Variants in STX18 observed in about 807,000 individuals in gnomAD.
The protein encoded by STX18 is syntaxin 18, also known as syntaxin-18.
Under a neutral mutation model 50.1 loss-of-function variants are expected in STX18, and 40 were observed. The ratio of observed to expected loss-of-function variants is 0.80; its 90% confidence interval spans 0.62 to 1.04. The LOEUF (loss-of-function observed/expected upper bound fraction) is 1.04. Among genes scored for constraint, STX18 ranks in the 50% least tolerant of loss-of-function variants. The probability of loss-of-function intolerance (pLI) is 0.00; values close to 1 mark genes in which losing one functional copy is unlikely to be tolerated. For synonymous variants in STX18, 158 were observed against 151.8 expected (o/e 1.04, Z -0.30); for missense variants, 410 against 415.8 (o/e 0.99, Z 0.12).
At chr4:4,475,397 A>G (rs959741701) in intron 1 of STX18, among the ~76,000 whole-genome samples, 1 of 152,240 alleles carries the variant, frequency 6.6e-6, no homozygotes, top group Non-Finnish European at 1.5e-5. Flanking sequence ...TGAGAATGAA[A>G]AAATAAAGGA....
chr4:4,489,946 T>G (rs1728871107), intron 1 of STX18, among the ~76,000 whole-genome samples: 1 of 152,232 alleles, frequency 6.6e-6, no homozygotes, highest in Non-Finnish European at 1.5e-5. Flanking sequence ...AAGCTTTAAA[T>G]GTAAAACTAG....
intron 1 of STX18, among the ~76,000 whole-genome samples, chr4:4,497,459 C>G (rs1326819740): frequency 6.6e-6 from 1 of 152,232 alleles, no homozygotes; most frequent in Admixed American, 6.5e-5. Flanking sequence ...AACTAAATGT[C>G]TATTCACTCA....
intron 1 of STX18, among the ~76,000 whole-genome samples, chr4:4,475,724 C>T (rs1728142652): frequency 6.6e-6 from 1 of 152,194 alleles, no homozygotes; most frequent in Admixed American, 6.5e-5. Flanking sequence ...GCATACAATT[C>T]TGACGTGCTC....
At chr4:4,518,814 C>T (rs1308982006) in intron 1 of STX18, among the ~76,000 whole-genome samples, 4 of 152,154 alleles carry the variant, frequency 2.6e-5, no homozygotes, top group African/African-American at 4.8e-5. Context: ...CTTATACACA[C>T]GTGCACTTTA....
chr4:4,436,379 T>A (rs1360670549), intron 6 of STX18, among the ~76,000 whole-genome samples: 2 of 152,168 alleles, frequency 1.3e-5, no homozygotes, highest in African/African-American at 4.8e-5. Context: ...ATTCTTTGGG[T>A]AGGAACATTT....
intron 1 of STX18, among the ~76,000 whole-genome samples, chr4:4,531,439 T>C (rs923244779): frequency 6.6e-6 from 1 of 152,256 alleles, no homozygotes; most frequent in Non-Finnish European, 1.5e-5. Flanking sequence ...TTTTTGTTGC[T>C]ACTATAAATG....
intron 6 of STX18, among the ~76,000 whole-genome samples, chr4:4,436,818 C>G (rs1325555992): frequency 6.6e-6 from 1 of 152,206 alleles, no homozygotes; most frequent in African/African-American, 2.4e-5. Context: ...TCACTGATCC[C>G]CACGGGTCTT....
chr4:4,527,281 T>C (rs1168157391), intron 1 of STX18, among the ~76,000 whole-genome samples: 1 of 152,210 alleles, frequency 6.6e-6, no homozygotes, highest in East Asian at 1.9e-4. Flanking sequence ...CCTTTCTACC[T>C]GTATAAAGAT....
intron 2 of STX18, among the ~76,000 whole-genome samples, chr4:4,460,479 C>T (rs1381994268): frequency 6.6e-6 from 1 of 152,050 alleles, no homozygotes; most frequent in Non-Finnish European, 1.5e-5. Context: ...ATACATCCAT[C>T]CTGAGGACAG....
intron 1 of STX18, among the ~76,000 whole-genome samples, chr4:4,536,322 C>T (rs981227090): frequency 6.6e-6 from 1 of 152,222 alleles, no homozygotes; most frequent in African/African-American, 2.4e-5. Context: ...CCACACTGTT[C>T]TAGAAGCTAC....
chr4:4,504,183 T>C (rs1327379244), intron 1 of STX18, among the ~76,000 whole-genome samples: 4 of 152,160 alleles, frequency 2.6e-5, no homozygotes, highest in African/African-American at 4.8e-5. Context: ...GAGGAGAACA[T>C]AAAATGTTCA....
intron 2 of STX18, among the ~76,000 whole-genome samples, chr4:4,469,510 T>G (rs770547381): frequency 6.6e-6 from 1 of 152,008 alleles, no homozygotes; most frequent in Non-Finnish European, 1.5e-5. Flanking sequence ...CAAAAATAGC[T>G]GGGAATCATG....
At chr4:4,507,815 TAAAAA>T (rs879049430) in intron 1 of STX18, 592 of 218,454 alleles carry the variant, frequency 2.7e-3, no homozygotes, top group Middle Eastern at 4.5e-3. Flanking sequence ...ATATTCACAG[TAAAAA>T]AAAAAAAAAA....
At chr4:4,452,433 AGAG>A (rs1328814345) in intron 5 of STX18, among the ~76,000 whole-genome samples, 1 of 152,266 alleles carries the variant, frequency 6.6e-6, no homozygotes, top group Non-Finnish European at 1.5e-5. Flanking sequence ...CCATAGCTAC[AGAG>A]GAGAAGTCAA....
chr4:4,478,406 G>A (rs1040543370), intron 1 of STX18, among the ~76,000 whole-genome samples: 4 of 152,124 alleles, frequency 2.6e-5, no homozygotes, highest in African/African-American at 9.7e-5. Flanking sequence ...GCAGTACAAC[G>A]GTGACCAGTG....
At chr4:4,523,746 C>G (rs1560208847) in intron 1 of STX18, among the ~76,000 whole-genome samples, 1 of 152,252 alleles carries the variant, frequency 6.6e-6, no homozygotes, top group Admixed American at 6.5e-5. Flanking sequence ...CTTCTCACCT[C>G]TGCCGAATCC....
intron 1 of STX18, among the ~76,000 whole-genome samples, chr4:4,541,531 T>G (rs1335246709): frequency 6.6e-6 from 1 of 152,152 alleles, no homozygotes; most frequent in Non-Finnish European, 1.5e-5. Flanking sequence ...ACTTTCCAGA[T>G]AGAGATTTCT....
chr4:4,480,645 C>T (rs1728414965), intron 1 of STX18, among the ~76,000 whole-genome samples: 1 of 152,144 alleles, frequency 6.6e-6, no homozygotes, highest in Non-Finnish European at 1.5e-5. Flanking sequence ...ATGGGATTTT[C>T]TTTTTTTAAA....
In STX18 at chr4:4,419,348, G is replaced by C. The variant is rs1189284009; in HGVS notation, c.*686C>G. On this transcript the variant is annotated 3_prime_UTR_variant, in exon 11 of 11. Coordinates refer to ENST00000306200, the MANE Select transcript of STX18 (RefSeq NM_016930.4). ...GCCTGTTCTGGGGGCAGCAGTCTTT[G>C]GAGGAGTAATGCCAGGCAGCCCCTC... The C allele has an allele frequency of 1.3e-5, 2 of 151,574 alleles. No individual in the cohort carries two copies. Among genetic ancestry groups the C allele is most frequent in the African/African-American group, 2.4e-5 (1 of 41,160 alleles). The allele number at this position is 151,574 out of a possible 1,614,324, so 9.4% of individuals were successfully genotyped here.
Sources: gnomAD v4.1 joint callset for allele counts (sites outside exome capture counted in the v4.1 genomes callset) on GRCh38, gnomAD v4.1.1 for gene constraint, MANE v1.5 for transcripts, NCBI Gene and HGNC (gene_info 2026-07-23, HGNC 2026-07-21) for gene names.